ITGAL: variants seen among roughly 807,000 people sequenced by gnomAD.
The protein encoded by ITGAL is integrin alpha-L.
A neutral mutation model predicts 138.4 loss-of-function variants in ITGAL; 68 were observed. That is an observed-to-expected ratio of 0.49 (90% CI 0.40 to 0.60). ITGAL has a LOEUF of 0.60. Ranked by LOEUF, ITGAL falls within the 20% of genes least tolerant of loss-of-function variation. ITGAL has a pLI of 0.00. For synonymous variants in ITGAL, 561 were observed against 584.3 expected, an observed-to-expected ratio of 0.96 and a Z score of 0.57; for missense variants, 1,256 against 1,478.6, an observed-to-expected ratio of 0.85 and a Z score of 2.47.
chr16:30,492,351 A>G (rs1026052378), intron 11 of ITGAL, among the ~76,000 whole-genome samples: 1 of 149,180 alleles, frequency 6.7e-6, no homozygotes, highest in Non-Finnish European at 1.5e-5. Context: ...CCCAGGTTCA[A>G]CTGATTCTCT....
At chr16:30,474,858 T>TC (rs1211503775) in intron 2 of ITGAL, among the ~76,000 whole-genome samples, 4 of 129,432 alleles carry the variant, frequency 3.1e-5, no homozygotes, top group Admixed American at 9.0e-5. Context: ...TTTTTTTTTT[T>TC]TCTTTTTTTT....
rs1040811015 is a variant in ITGAL, at chr16:30,481,100, G to A, written c.577-339G>A. The A allele has an allele frequency of 1.1e-4, 28 of 249,030 alleles. No individual in the cohort carries two copies. The Admixed American group carries it at 1.4e-3, about 12-fold the overall frequency. The allele number at this position is 249,030 out of a possible 1,614,324, so 15.4% of individuals were successfully genotyped here. A position where few individuals can be genotyped will look rare whatever the true frequency, so the allele number is the denominator to read the frequency against. ...GTGGATCACCTGAGGTGAGGAGTTC[G>A]AGACCAGCCTGGCCAATATGGTGAA... On this transcript the variant is annotated intron_variant, in intron 6 of 30. Transcript: ENST00000356798.
At chr16:30,491,122 C>A (rs1202314200) in intron 11 of ITGAL, among the ~76,000 whole-genome samples, 1 of 150,822 alleles carries the variant, frequency 6.6e-6, no homozygotes, top group Non-Finnish European at 1.5e-5. Flanking sequence ...TAATCTCTAG[C>A]TGGGTGTGGT....
At chr16:30,484,398 C>A in intron 9 of ITGAL, 135 bp downstream of exon 9, 2 of 795,686 alleles carry the variant, frequency 2.5e-6, no homozygotes, top group Non-Finnish European at 3.9e-6. Flanking sequence ...CAATTGAGCT[C>A]AGGAGTTTGA....
In ITGAL at chr16:30,474,249, C is replaced by G; in HGVS notation, c.115C>G (p.Pro39Ala). The change falls in exon 2 of 31, where the codon CCG becomes GCG. Residue 39 changes from proline (P) to alanine (A), a missense_variant. Physicochemically the swap from Pro to Ala is conservative, Grantham distance 27 (BLOSUM62 -1). Coordinates refer to ENST00000356798, the MANE Select transcript of ITGAL (RefSeq NM_002209.3). ...DVRGARSFSP[P>A]RAGRHFGYRV... is the part of the protein sequence containing the mutation. ...GCGGGGCGCGCGGAGCTTCTCCCCA[C>G]CGCGCGCCGGGAGGCACTTTGGATA... 6.2e-7 allele frequency: 1 copy of G among 1,609,188 alleles called. No individual in the cohort carries two copies. The highest frequency in any genetic ancestry group is 8.5e-7 in the Non-Finnish European group (1 of 1,177,918).
At chr16:30,487,427 T>C (rs2151150305) in intron 9 of ITGAL, among the ~76,000 whole-genome samples, 1 of 152,140 alleles carries the variant, frequency 6.6e-6, no homozygotes, top group East Asian at 1.9e-4. Context: ...TTGTTTTGTT[T>C]TTTGAGACAG....
At chr16:30,484,300 G>A (rs762244170) in intron 9 of ITGAL, 37 bp downstream of exon 9, 4 of 1,586,882 alleles carry the variant, frequency 2.5e-6, no homozygotes, top group African/African-American at 2.7e-5. Context: ...TCGGGAGTCT[G>A]CATAAAGAAA....
At chr16:30,511,905 A>ATT in intron 24 of ITGAL, among the ~76,000 whole-genome samples, 1 of 152,324 alleles carries the variant, frequency 6.6e-6, no homozygotes, top group Admixed American at 6.5e-5. Flanking sequence ...GCAATTGAGA[A>ATT]GACAGTGAAC....
chr16:30,474,418 T>G (rs1371162867), intron 2 of ITGAL, 120 bp downstream of exon 2: 1 of 673,692 alleles, frequency 1.5e-6, no homozygotes, highest in Non-Finnish European at 2.6e-6. Flanking sequence ...TCTCCAGGGG[T>G]TCCCGTCTGG....
At chr16:30,520,632 G>A (rs1316493052) in intron 30 of ITGAL, among the ~76,000 whole-genome samples, 1 of 152,230 alleles carries the variant, frequency 6.6e-6, no homozygotes, top group African/African-American at 2.4e-5. Flanking sequence ...GGCGCTCACA[G>A]TCTAAGAGAG....
chr16:30,481,469 A>G lies in ITGAL; in HGVS notation c.607A>G (p.Lys203Glu), dbSNP rs1450332697. Reference protein sequence around the residue: ...FAAVQFSTSYKTEFDFSDYVK... With the variant: ...FAAVQFSTSYETEFDFSDYVK... ...TGCTGTTCAGTTTTCCACAAGCTAC[A>G]AAACAGAATTTGATTTCTCAGATTA... The change falls in exon 7 of 31, where the codon AAA (lysine) becomes GAA (glutamate). Residue 203 changes from lysine to glutamate, a missense_variant. Physicochemically the swap from Lys to Glu is moderately conservative, Grantham distance 56 (BLOSUM62 1). Around this residue, in one of 3 missense-constraint regions of ITGAL, gnomAD observed 177 missense variants for 288.8 expected, o/e 0.61. Coordinates refer to ENST00000356798, the MANE Select transcript of ITGAL (RefSeq NM_002209.3). The G allele has an allele frequency of 2.5e-6, 4 of 1,613,216 alleles. No individual in the cohort carries two copies. The African/African-American group carries it at 4.0e-5, about 16-fold the overall frequency.
intron 11 of ITGAL, among the ~76,000 whole-genome samples, chr16:30,491,730 G>C (rs1159328622): frequency 6.6e-6 from 1 of 151,708 alleles, no homozygotes; most frequent in South Asian, 2.1e-4. Flanking sequence ...TCCTGGCTTT[G>C]AGCAATCCCC....
In ITGAL at chr16:30,479,392, A is replaced by G. The variant is rs761811551; in HGVS notation, c.507A>G (p.Pro169=). The part of the protein sequence containing the change: ...FLFDGSMSLQ[P]DEFQKILDFM... ...TTGATGGTTCGATGAGCTTGCAGCCAGATGAATTTCAGAAAATTCTGGACT... is the reference window on the plus strand; with the variant it reads ...TTGATGGTTCGATGAGCTTGCAGCCGGATGAATTTCAGAAAATTCTGGACT... The change falls in exon 6 of 31, where the codon CCA becomes CCG. Residue 169 remains proline, a synonymous_variant. Coordinates refer to ENST00000356798, the MANE Select transcript of ITGAL (RefSeq NM_002209.3). 32 of 1,614,012 alleles carry G rather than the reference A, an allele frequency of 2.0e-5. No homozygotes were observed. The highest frequency in any genetic ancestry group is 3.4e-6 in the Non-Finnish European group (4 of 1,180,000).
chr16:30,486,270 G>A (rs2050644973), intron 9 of ITGAL, among the ~76,000 whole-genome samples: 1 of 152,104 alleles, frequency 6.6e-6, no homozygotes. Flanking sequence ...GGAGGCTGAG[G>A]CAGGCGGATC....
intron 17 of ITGAL, among the ~76,000 whole-genome samples, chr16:30,502,702 T>A (rs1226109755): frequency 6.6e-6 from 1 of 150,972 alleles, no homozygotes; most frequent in Non-Finnish European, 1.5e-5. Flanking sequence ...GAGCTGAGAT[T>A]GTGCCATTGC....
chr16:30,499,544 G>A lies in ITGAL; in HGVS notation c.2145+55G>A. On this transcript the variant is annotated intron_variant, in intron 17 of 30. Coordinates refer to ENST00000356798, the MANE Select transcript of ITGAL (RefSeq NM_002209.3). ...TGAGCTACCTGCAGGGGCAGGCTCA[G>A]CTCCGTCACTGTCCAGTGGGTGACA... 3.2e-6 allele frequency: 5 copies of A among 1,573,116 alleles called. No individual in the cohort carries two copies. In the South Asian group the frequency reaches 5.6e-5, roughly 18 times the overall value.
chr16:30,499,314 T>C (rs1184998854), intron 16 of ITGAL, 24 bp from the exon 17 acceptor site: 24 of 1,613,874 alleles, frequency 1.5e-5, no homozygotes, highest in Non-Finnish European at 2.0e-5. Flanking sequence ...ACCATTTAAC[T>C]CTTGCCTTTT....
At chr16:30,500,327 C>A (rs921677415) in intron 17 of ITGAL, among the ~76,000 whole-genome samples, 4 of 151,490 alleles carry the variant, frequency 2.6e-5, no homozygotes, top group Non-Finnish European at 5.9e-5. Flanking sequence ...CTCAGGTGAT[C>A]CTCCTACCTC....
At chr16:30,497,004 A>G (rs1443902005) in intron 15 of ITGAL, among the ~76,000 whole-genome samples, 1 of 152,110 alleles carries the variant, frequency 6.6e-6, no homozygotes, top group East Asian at 1.9e-4. Context: ...TCACACCTGT[A>G]ATCCCAGAGA....
Sources: allele counts gnomAD v4.1 joint callset (sites outside exome capture counted in the v4.1 genomes callset), GRCh38; gene constraint gnomAD v4.1.1; regional missense constraint gnomAD v4.1.1; transcripts MANE v1.5; gene names NCBI Gene and HGNC (gene_info 2026-07-23, HGNC 2026-07-21).